The following UGT1A8 variants were observed in gnomAD, a reference collection of about 807,000 sequenced individuals.
The protein encoded by UGT1A8 is UDP-glucuronosyltransferase 1A8.
A neutral mutation model predicts 45.3 loss-of-function variants in UGT1A8; 39 were observed. The observed-to-expected ratio is 0.86, with a 90% confidence interval of 0.67 to 1.12. The LOEUF (loss-of-function observed/expected upper bound fraction) is 1.12, where lower values mean the gene tolerates loss of function less well. Among genes scored for constraint, UGT1A8 ranks in the 50% most tolerant of loss-of-function variants. The pLI, the probability that UGT1A8 is intolerant of heterozygous loss-of-function variation, is 0.00. For missense variants in UGT1A8, 719 were observed against 664.9 expected (o/e 1.08, Z -0.90); for synonymous variants, 275 against 249.2 (o/e 1.10, Z -0.97).
intron 1 of UGT1A8, among the ~76,000 whole-genome samples, chr2:233,676,666 G>A (rs768806878): frequency 3.3e-5 from 5 of 152,150 alleles, no homozygotes; most frequent in Admixed American, 1.3e-4. Flanking sequence ...GGGCAGTTTC[G>A]AGCAGTCCTA....
intron 1 of UGT1A8, among the ~76,000 whole-genome samples, chr2:233,634,581 CT>C (rs2073245141): frequency 6.6e-6 from 1 of 152,058 alleles, no homozygotes; most frequent in African/African-American, 2.4e-5. Context: ...CTTTTTTGAT[CT>C]CTGTTGATTT....
At chr2:233,631,165 T>A (rs1354071108) in intron 1 of UGT1A8, among the ~76,000 whole-genome samples, 1 of 152,176 alleles carries the variant, frequency 6.6e-6, no homozygotes, top group Non-Finnish European at 1.5e-5. Flanking sequence ...GCAAAAGACA[T>A]GAATGCATCC....
intron 1 of UGT1A8, chr2:233,682,906 G>T (rs2074606702): frequency 8.7e-6 from 13 of 1,497,714 alleles, no homozygotes; most frequent in South Asian, 1.4e-5. Flanking sequence ...TTTCTTTCTG[G>T]TTTAAGGAAT....
chr2:233,721,857 G>A (rs12475934), intron 1 of UGT1A8: 43,430 of 508,934 alleles, frequency 0.085, 2,681 homozygotes, highest in East Asian at 0.2. Context: ...CCCACTGCTC[G>A]GCCCTGGGCA....
chr2:233,672,374 T>C (rs2125502075), intron 1 of UGT1A8: 2 of 1,614,170 alleles, frequency 1.2e-6, no homozygotes, highest in South Asian at 1.1e-5. Flanking sequence ...GCAGTGTTTC[T>C]CGATCCTTTT....
chr2:233,724,329 G>A (rs1291101719), intron 1 of UGT1A8, among the ~76,000 whole-genome samples: 36 of 143,834 alleles, frequency 2.5e-4, no homozygotes, highest in African/African-American at 9.0e-4. Context: ...GGCTGGCCAG[G>A]CGGGGGGCTG....
Position 233,772,472 on chromosome 2 carries a change from C to A in UGT1A8, c.1506C>A (p.Ile502=). ...CCGTCGTGCTGACAGTGGCCTTCAT[C>A]ACCTTTAAATGTTGTGCTTATGGCT... The part of the protein sequence containing the change: ...LLAVVLTVAF[I]TFKCCAYGYR... Residue 502 remains isoleucine (I), a synonymous_variant, in exon 5 of 5, where the codon ATC becomes ATA. Transcript: ENST00000373450. The A allele has an allele frequency of 6.2e-7, 1 of 1,614,132 alleles. No homozygotes were observed. Among genetic ancestry groups the A allele is most frequent in the Non-Finnish European group, 8.5e-7 (1 of 1,180,020 alleles).
At chr2:233,645,243 G>T (rs1212175241) in intron 1 of UGT1A8, among the ~76,000 whole-genome samples, 1 of 152,118 alleles carries the variant, frequency 6.6e-6, no homozygotes, top group African/African-American at 2.4e-5. Flanking sequence ...CTGCCCCCAT[G>T]ATTCAATTTT....
intron 1 of UGT1A8, among the ~76,000 whole-genome samples, chr2:233,757,568 A>ATATATATATATATATATATC (rs1696661304): frequency 7.0e-6 from 1 of 142,136 alleles, no homozygotes; most frequent in Non-Finnish European, 1.5e-5. Flanking sequence ...ATATGTATAT[A>ATATATATATATATATATATC]TGATATAGCT....
At chr2:233,766,650 A>G (rs1364133681) in intron 1 of UGT1A8, among the ~76,000 whole-genome samples, 3 of 152,158 alleles carry the variant, frequency 2.0e-5, no homozygotes, top group African/African-American at 7.2e-5. Context: ...TATCATTTAA[A>G]GGGACCACGC....
In UGT1A8 at chr2:233,684,825, T is replaced by C. The variant is rs995688035; in HGVS notation, c.855+66263T>C. 2.6e-5 allele frequency among the ~76,000 whole-genome samples: 4 copies of C among 152,232 alleles called. No homozygotes were observed. In the East Asian group the frequency reaches 7.7e-4, roughly 29 times the overall value. ...GCTCAACCACAAAAGTAAATTGTCA[T>C]AGAAAAATTTATGGACACTGTATAG... is the stretch of plus-strand genomic sequence containing the variant. On this transcript the variant is annotated intron_variant, in intron 1 of 4. Transcript: ENST00000373450.
intron 1 of UGT1A8, among the ~76,000 whole-genome samples, chr2:233,763,591 A>G (rs1698352933): frequency 6.6e-6 from 1 of 152,190 alleles, no homozygotes; most frequent in Non-Finnish European, 1.5e-5. Flanking sequence ...TCCTTTGTTA[A>G]CTAAAAATGC....
chr2:233,757,560 A>ATATATATATATATATATG (rs904896556), intron 1 of UGT1A8, among the ~76,000 whole-genome samples: 7 of 123,144 alleles, frequency 5.7e-5, no homozygotes, highest in African/African-American at 1.7e-4. Context: ...ATATATATAT[A>ATATATATATATATATATG]TGTATATATG....
Position 233,755,064 on chromosome 2 carries a change from C to T in UGT1A8, c.856-11970C>T, listed in dbSNP as rs570313254. ...GCAGCCGCCCTCCGCCCTCGCCTCGCCATAGCGGTCATAGATATCGCGTTT... is the reference window on the plus strand; with the variant it reads ...GCAGCCGCCCTCCGCCCTCGCCTCGTCATAGCGGTCATAGATATCGCGTTT... On this transcript the variant is annotated intron_variant, in intron 1 of 4. Coordinates refer to ENST00000373450, the MANE Select transcript of UGT1A8 (RefSeq NM_019076.5). 1.3e-5 allele frequency: 17 copies of T among 1,335,842 alleles called. No homozygotes were observed. In the East Asian group the frequency reaches 3.2e-4, roughly 25 times the overall value. The allele number at this position is 1,335,842 out of a possible 1,614,324, so 82.7% of individuals were successfully genotyped here.
chr2:233,730,376 G>A (rs1316829383), intron 1 of UGT1A8, among the ~76,000 whole-genome samples: 1 of 152,114 alleles, frequency 6.6e-6, no homozygotes, highest in Non-Finnish European at 1.5e-5. Context: ...GATTTTCAGG[G>A]GAAAGATGAT....
intron 1 of UGT1A8, chr2:233,718,733 C>T: frequency 6.2e-6 from 10 of 1,611,470 alleles, no homozygotes; most frequent in Non-Finnish European, 8.5e-6. Flanking sequence ...TGCTAGGTGG[C>T]TCAATGACAA....
At chr2:233,672,568 A>T (rs758216635) in intron 1 of UGT1A8, 2 of 1,613,918 alleles carry the variant, frequency 1.2e-6, no homozygotes, top group South Asian at 2.2e-5. Context: ...GAACCACATC[A>T]TGCACTTGGA....
chr2:233,693,551 A>T (rs752625258), intron 1 of UGT1A8: 2 of 1,614,068 alleles, frequency 1.2e-6, no homozygotes, highest in Non-Finnish European at 1.7e-6. Flanking sequence ...GCATACATTC[A>T]GCAGAAGCCC....
chr2:233,760,123 C>T, intron 1 of UGT1A8: 1 of 1,299,838 alleles, frequency 7.7e-7, no homozygotes, highest in East Asian at 2.5e-5. Context: ...AATAAAGCTC[C>T]ACCTTCTTTA....
Sources: gnomAD v4.1 joint callset for allele counts (sites outside exome capture counted in the v4.1 genomes callset) on GRCh38, gnomAD v4.1.1 for gene constraint, MANE v1.5 for transcripts, NCBI Gene and HGNC (gene_info 2026-07-23, HGNC 2026-07-21) for gene names.